MANSC4: variants seen among roughly 807,000 people sequenced by gnomAD.
The protein encoded by MANSC4 is MANSC domain-containing protein 4.
In MANSC4, 11 loss-of-function variants were observed where a neutral mutation model predicts 11.4. The observed-to-expected ratio is 0.97, with a 90% CI of 0.61 to 1.60. The LOEUF is 1.60. Among genes scored for constraint, MANSC4 ranks in the 40% most tolerant of loss-of-function variants. The pLI, the probability that MANSC4 is intolerant of heterozygous loss-of-function variation, is 0.00. For synonymous variants in MANSC4, 123 were observed against 147.1 expected (o/e 0.84, Z 1.19); for missense variants, 354 against 404.6 (o/e 0.88, Z 1.07).
At chr12:27,766,350 G>A (rs1173807319) in intron 3 of MANSC4, among the ~76,000 whole-genome samples, 1 of 152,180 alleles carries the variant, frequency 6.6e-6, no homozygotes, top group Non-Finnish European at 1.5e-5. Flanking sequence ...ACAGGCATGA[G>A]CCACCGCGCC....
At chr12:27,764,350 T>C (rs2062062283) in intron 3 of MANSC4, among the ~76,000 whole-genome samples, 1 of 152,142 alleles carries the variant, frequency 6.6e-6, no homozygotes. Flanking sequence ...ATTGTTTCCT[T>C]ACTTCCTGAT....
chr12:27,765,370 C>T (rs894045473), intron 3 of MANSC4, among the ~76,000 whole-genome samples: 1 of 152,106 alleles, frequency 6.6e-6, no homozygotes, highest in Non-Finnish European at 1.5e-5. Flanking sequence ...CATTAAATGC[C>T]CTTGTTCTCT....
chr12:27,763,215 CA>C lies in MANSC4; in HGVS notation c.545del (p.Leu182TrpfsTer3), dbSNP rs1565475548. 6.4e-7 allele frequency: 1 copy of C among 1,551,608 alleles called. No homozygotes were observed. Among genetic ancestry groups the C allele is most frequent in the Non-Finnish European group, 8.7e-7 (1 of 1,147,004 alleles). The stretch of plus-strand genomic sequence containing the variant: ...AACTGGTACTGTTTGTGTTTACAAC[CA>C]AATCTTGATGCGTGGTTGAGGATGG... The part of the protein sequence containing the change: ...EAPSSTTHQD[L>X]VVNTNSTSYS... On this transcript the variant is annotated frameshift_variant, in exon 4 of 4. Transcript: ENST00000381273. LOFTEE classifies it low-confidence loss of function (END_TRUNC).
chr12:27,776,107 A>G (rs1030368941), intron 1 of MANSC4, among the ~76,000 whole-genome samples: 1 of 151,352 alleles, frequency 6.6e-6, no homozygotes, highest in Non-Finnish European at 1.5e-5. Context: ...AAAAAAAAAA[A>G]AGTATATTTT....
rs1397841667 is a variant in MANSC4, at chr12:27,762,456, C to T, written c.*282G>A. Among the ~76,000 whole-genome samples the T allele has an allele frequency of 1.3e-5, 2 of 152,028 alleles. No homozygotes were observed. Among genetic ancestry groups the T allele is most frequent in the African/African-American group, 4.8e-5 (2 of 41,410 alleles). The stretch of plus-strand genomic sequence containing the variant: ...TCCTGGGCTCAAGCAGTCCTCCCAC[C>T]TCAGCCTCCTAAGTAGCTGGGACCA... On this transcript the variant is annotated 3_prime_UTR_variant, in exon 4 of 4. Coordinates refer to ENST00000381273, the MANE Select transcript of MANSC4 (RefSeq NM_001146221.5).
chr12:27,780,201 G>T lies in MANSC4; in HGVS notation c.-307+9C>A, dbSNP rs2062138717. 2 of 675,800 alleles carry T rather than the reference G, an allele frequency of 3.0e-6. No individual in the cohort carries two copies. Among genetic ancestry groups the T allele is most frequent in the South Asian group, 7.4e-5 (1 of 13,522 alleles). 41.9% of individuals were successfully genotyped at this position (675,800 alleles called of 1,614,324 possible). A position where few individuals can be genotyped will look rare whatever the true frequency, so the allele number is the denominator to read the frequency against. On this transcript the variant is annotated intron_variant, in intron 1 of 3. Transcript: ENST00000381273. This position sits in a 1 kb window ranked among gnomAD's most constrained non-coding sequence, Gnocchi z 8.8. The stretch of plus-strand genomic sequence containing the variant: ...CCGGAGAGGCCGGGCGAGCGCGGGC[G>T]GCCCTCACCTCGCCGCTCCTCCCGG...
At chr12:27,766,552 A>G in intron 3 of MANSC4, 113 bp downstream of exon 3, 1 of 1,224,036 alleles carries the variant, frequency 8.2e-7, no homozygotes, top group Non-Finnish European at 1.1e-6. Context: ...TTCACTGGAA[A>G]ATAATTATTT....
intron 1 of MANSC4, among the ~76,000 whole-genome samples, chr12:27,777,497 A>G (rs1185041272): frequency 2.0e-5 from 3 of 152,222 alleles, no homozygotes; most frequent in Non-Finnish European, 4.4e-5. Flanking sequence ...AGAAGCTGCT[A>G]AATGCTTGAT....
chr12:27,779,057 C>T (rs772675996), intron 1 of MANSC4, among the ~76,000 whole-genome samples: 65 of 152,118 alleles, frequency 4.3e-4, no homozygotes, highest in Admixed American at 7.2e-4. Flanking sequence ...TTAGTAGAGA[C>T]GGGGTTTCAC....
chr12:27,765,375 TTC>T (rs1481139943), intron 3 of MANSC4, among the ~76,000 whole-genome samples: 2 of 152,204 alleles, frequency 1.3e-5, no homozygotes, highest in Non-Finnish European at 2.9e-5. Context: ...AATGCCCTTG[TTC>T]TCTGTTTCTG....
rs993583372 is a variant in MANSC4, at chr12:27,780,177, C to T, written c.-307+33G>A. 4.9e-6 allele frequency: 2 copies of T among 406,976 alleles called. No individual in the cohort carries two copies. The highest frequency in any genetic ancestry group is 7.5e-6 in the Non-Finnish European group (2 of 266,112). 25.2% of individuals were successfully genotyped at this position (406,976 alleles called of 1,614,324 possible). On this transcript the variant is annotated intron_variant, in intron 1 of 3. Transcript: ENST00000381273. This position sits in a 1 kb window ranked among gnomAD's most constrained non-coding sequence, Gnocchi z 8.8. ...AGCGGGCCCCGGGAGGAGGGGCCGC[C>T]GGAGAGGCCGGGCGAGCGCGGGCGG...
chr12:27,771,656 T>C (rs552627720), intron 1 of MANSC4, among the ~76,000 whole-genome samples, 74 bp from the exon 2 acceptor site: 1 of 152,292 alleles, frequency 6.6e-6, no homozygotes, highest in Non-Finnish European at 1.5e-5. Flanking sequence ...TCAAGAGGCT[T>C]TCTGAGGGAA....
rs1344118036 is a variant in MANSC4, at chr12:27,762,667, C to A, written c.*71G>T. On this transcript the variant is annotated 3_prime_UTR_variant, in exon 4 of 4. Coordinates refer to ENST00000381273, the MANE Select transcript of MANSC4 (RefSeq NM_001146221.5). The stretch of plus-strand genomic sequence containing the variant: ...CGCCCAGCCTATTTTTTTTTTTTAA[C>A]CAAACTGCGTTTTCTTACACAAAAC... The A allele has an allele frequency of 7.6e-7, 1 of 1,312,104 alleles. No individual in the cohort carries two copies. The highest frequency in any genetic ancestry group is 1.0e-6 in the Non-Finnish European group (1 of 990,212). The allele number at this position is 1,312,104 out of a possible 1,614,324, so 81.3% of individuals were successfully genotyped here.
chr12:27,773,169 A>G (rs897272254), intron 1 of MANSC4, among the ~76,000 whole-genome samples: 3 of 152,218 alleles, frequency 2.0e-5, no homozygotes, highest in African/African-American at 7.2e-5. Context: ...ACAGGGAGAC[A>G]GGGTCTCTAC....
intron 1 of MANSC4, among the ~76,000 whole-genome samples, chr12:27,775,934 AC>A (rs10707977): frequency 0.39 from 59,116 of 151,012 alleles, 11,732 homozygotes; most frequent in Admixed American, 0.5. Context: ...TACTAAAAAT[AC>A]AAAAATTAGC....
At chr12:27,769,310 A>G (rs934070141) in intron 2 of MANSC4, among the ~76,000 whole-genome samples, 2 of 152,212 alleles carry the variant, frequency 1.3e-5, no homozygotes, top group African/African-American at 4.8e-5. Context: ...CATTCCTTGT[A>G]TACGTTTTGG....
intron 1 of MANSC4, among the ~76,000 whole-genome samples, chr12:27,774,000 T>A (rs2062109786): frequency 6.6e-6 from 1 of 151,966 alleles, no homozygotes; most frequent in African/African-American, 2.4e-5. Context: ...ATACAAAAAT[T>A]AGCTGGGTGT....
chr12:27,765,400 C>A (rs890607198), intron 3 of MANSC4, among the ~76,000 whole-genome samples: 5 of 152,138 alleles, frequency 3.3e-5, no homozygotes, highest in African/African-American at 9.7e-5. Context: ...AAAGTCAAAT[C>A]AAAACTCTAC....
chr12:27,776,159 G>A (rs2062119223), intron 1 of MANSC4, among the ~76,000 whole-genome samples: 1 of 151,254 alleles, frequency 6.6e-6, no homozygotes, highest in Non-Finnish European at 1.5e-5. Context: ...ACTTCTAATG[G>A]CTCCTTGGTA....
Sources: allele counts gnomAD v4.1 joint callset (sites outside exome capture counted in the v4.1 genomes callset), GRCh38; gene constraint gnomAD v4.1.1; non-coding constraint Gnocchi (gnomAD v3.1); transcripts MANE v1.5; gene names NCBI Gene and HGNC (gene_info 2026-07-23, HGNC 2026-07-21).